The following PDE6C variants were observed in gnomAD, a reference collection of about 807,000 sequenced individuals.
PDE6C encodes cone cGMP-specific 3',5'-cyclic phosphodiesterase subunit alpha'.
Under a neutral mutation model 113.1 loss-of-function variants are expected in PDE6C, and 75 were observed. The observed-to-expected ratio is 0.66, with a 90% CI of 0.55 to 0.80. PDE6C has a LOEUF of 0.80. PDE6C is among the 30% of genes least tolerant of loss of function. PDE6C has a pLI of 0.00. For synonymous variants in PDE6C, 375 were observed against 363.7 expected, an observed-to-expected ratio of 1.03 and a Z score of -0.35; for missense variants, 912 against 1,038.6, an observed-to-expected ratio of 0.88 and a Z score of 1.67.
chr10:93,618,756 C>T (rs2058431700), intron 1 of PDE6C, among the ~76,000 whole-genome samples: 1 of 152,198 alleles, frequency 6.6e-6, no homozygotes, highest in South Asian at 2.1e-4. Flanking sequence ...GATTCTGAGG[C>T]ATATCTCAGG....
At chr10:93,658,838 T>C in intron 16 of PDE6C, 63 bp from the exon 17 acceptor site, 5 of 969,176 alleles carry the variant, frequency 5.2e-6, no homozygotes, top group Non-Finnish European at 8.3e-6. Context: ...AAGCATGTAT[T>C]TAAGATATTT....
chr10:93,629,874 T>C (rs1157825396), intron 8 of PDE6C, among the ~76,000 whole-genome samples: 1 of 152,164 alleles, frequency 6.6e-6, no homozygotes, highest in Non-Finnish European at 1.5e-5. Context: ...GCTCTCCTCC[T>C]GCTGTACAAC....
At chr10:93,642,027 A>G (rs2058562526) in intron 14 of PDE6C, among the ~76,000 whole-genome samples, 1 of 152,214 alleles carries the variant, frequency 6.6e-6, no homozygotes. Context: ...ATGATCATGC[A>G]TATAAAGCCC....
At chr10:93,640,689 A>G (rs1252799346) in intron 13 of PDE6C, 132 bp downstream of exon 13, 2 of 762,272 alleles carry the variant, frequency 2.6e-6, no homozygotes, top group Middle Eastern at 2.2e-4. Flanking sequence ...TCCGCTGCAG[A>G]TGAGTCCCAG....
intron 9 of PDE6C, among the ~76,000 whole-genome samples, 175 bp from the exon 10 acceptor site, chr10:93,635,322 A>G (rs1437777911): frequency 6.6e-6 from 1 of 152,104 alleles, no homozygotes; most frequent in African/African-American, 2.4e-5. Flanking sequence ...AAAAGCAATA[A>G]TTCAGCCAGT....
At chr10:93,614,563 T>C (rs2058411071) in intron 1 of PDE6C, among the ~76,000 whole-genome samples, 1 of 152,226 alleles carries the variant, frequency 6.6e-6, no homozygotes, top group Non-Finnish European at 1.5e-5. Flanking sequence ...CTCATGGGAA[T>C]ACGCTCCTTG....
At chr10:93,633,848 G>C (rs956327156) in intron 8 of PDE6C, among the ~76,000 whole-genome samples, 1 of 152,162 alleles carries the variant, frequency 6.6e-6, no homozygotes, top group Admixed American at 6.5e-5. Flanking sequence ...GTGGTAAGAA[G>C]CACTTCCCAT....
chr10:93,640,143 A>G lies in PDE6C; in HGVS notation c.1556A>G (p.His519Arg), dbSNP rs772927831. ...FRFSDFPLTE[H>R]GLIKCGIRLF... ...TTCAGTGACTTCCCCCTTACAGAGC[A>G]CGGATTGATTAAATGTGGAATACGA... Residue 519 changes from histidine (H) to arginine (R), a missense_variant, in exon 12 of 22, where the codon CAC becomes CGC. By Grantham distance (29) the His-to-Arg change is conservative. Transcript: ENST00000371447. 1 of 1,613,874 alleles carries G rather than the reference A, an allele frequency of 6.2e-7. No individual in the cohort carries two copies. The highest frequency in any genetic ancestry group is 2.2e-5 in the East Asian group (1 of 44,888).
intron 16 of PDE6C, 105 bp downstream of exon 16, chr10:93,655,965 T>G: frequency 2.6e-6 from 2 of 768,386 alleles, no homozygotes; most frequent in East Asian, 2.5e-5. Context: ...TTCACACACA[T>G]ACACACACAC....
At chr10:93,641,898 C>A (rs972678049) in intron 14 of PDE6C, among the ~76,000 whole-genome samples, 1 of 152,174 alleles carries the variant, frequency 6.6e-6, no homozygotes, top group Non-Finnish European at 1.5e-5. Flanking sequence ...TGGGCTCAGG[C>A]AGATTTGGAT....
In PDE6C at chr10:93,665,552, T is replaced by C. The variant is rs369644727; in HGVS notation, c.*134T>C. The C allele has an allele frequency of 2.6e-5, 18 of 687,316 alleles. No homozygotes were observed. The East Asian group carries it at 2.7e-4, about 10-fold the overall frequency. The allele number at this position is 687,316 out of a possible 1,614,324, so 42.6% of individuals were successfully genotyped here. A position where few individuals can be genotyped will look rare whatever the true frequency, so the allele number is the denominator to read the frequency against. On this transcript the variant is annotated 3_prime_UTR_variant, in exon 22 of 22. Coordinates refer to ENST00000371447, the MANE Select transcript of PDE6C (RefSeq NM_006204.4). ...CTACCCTGTGACTATGAAGAAAATATATATTGCTAGCCCAAAAATCCCAGG... is the reference window on the plus strand; with the variant it reads ...CTACCCTGTGACTATGAAGAAAATACATATTGCTAGCCCAAAAATCCCAGG...
intron 5 of PDE6C, among the ~76,000 whole-genome samples, chr10:93,625,905 G>A (rs2058471205): frequency 1.3e-5 from 2 of 152,160 alleles, no homozygotes; most frequent in Non-Finnish European, 2.9e-5. Context: ...TCAACTGGAA[G>A]GGATGCATCA....
intron 8 of PDE6C, among the ~76,000 whole-genome samples, chr10:93,631,940 G>A (rs756289225): frequency 6.6e-6 from 1 of 152,218 alleles, no homozygotes; most frequent in Non-Finnish European, 1.5e-5. Flanking sequence ...CACAGTTCTG[G>A]AGGTCAGAAT....
chr10:93,637,469 G>A (rs549611052), intron 11 of PDE6C, among the ~76,000 whole-genome samples: 3 of 152,054 alleles, frequency 2.0e-5, no homozygotes, highest in Admixed American at 6.6e-5. Flanking sequence ...CTTCTCTTCT[G>A]GAGTCTGAAG....
chr10:93,665,799 T>C lies in PDE6C; in HGVS notation c.*381T>C. ...TTCTCAAAGTCCTGGGGGCTGGAAG[T>C]TCAAGATCAAGGAGTTGGCAGGGTT... On this transcript the variant is annotated 3_prime_UTR_variant, in exon 22 of 22. Transcript: ENST00000371447. 1 of 265,792 alleles carries C rather than the reference T, an allele frequency of 3.8e-6. No individual in the cohort carries two copies. Among genetic ancestry groups the C allele is most frequent in the East Asian group, 1.1e-4 (1 of 9,000 alleles). 16.5% of individuals were successfully genotyped at this position (265,792 alleles called of 1,614,324 possible).
chr10:93,634,284 A>G (rs2058517255), intron 8 of PDE6C, among the ~76,000 whole-genome samples: 1 of 152,158 alleles, frequency 6.6e-6, no homozygotes, highest in Non-Finnish European at 1.5e-5. Context: ...AAGTGCTGGG[A>G]TTACAGGCTC....
intron 14 of PDE6C, among the ~76,000 whole-genome samples, chr10:93,644,140 G>A (rs1014855078): frequency 2.0e-5 from 3 of 152,094 alleles, no homozygotes; most frequent in African/African-American, 7.2e-5. Flanking sequence ...TTTTTGGCAG[G>A]AATACTACAT....
chr10:93,640,005 G>C (rs1322903861), intron 11 of PDE6C, 65 bp from the exon 12 acceptor site: 1 of 1,550,982 alleles, frequency 6.4e-7, no homozygotes, highest in Non-Finnish European at 8.9e-7. Flanking sequence ...CCCAATGTTG[G>C]CTATGGGAGT....
chr10:93,645,989 G>A lies in PDE6C; in HGVS notation c.1877G>A (p.Gly626Asp), dbSNP rs1299872494. 1 of 1,608,732 alleles carries A rather than the reference G, an allele frequency of 6.2e-7. No individual in the cohort carries two copies. Among genetic ancestry groups the A allele is most frequent in the Admixed American group, 1.7e-5 (1 of 59,972 alleles). ...ACGTCTCCATTAGCAAGACTTCATG[G>A]TTCTTCTATTTTGGAGAGGCACCAC... ...KSTSPLARLH[G>D]SSILERHHLE... is the part of the protein sequence containing the mutation. Residue 626 changes from glycine (G) to aspartate (D), a missense_variant, in exon 15 of 22, where the codon GGT becomes GAT. Gly to Asp is a moderately conservative substitution (Grantham distance 94, BLOSUM62 -1). Transcript: ENST00000371447.
Sources: gnomAD v4.1 joint callset for allele counts (sites outside exome capture counted in the v4.1 genomes callset) on GRCh38, gnomAD v4.1.1 for gene constraint, MANE v1.5 for transcripts, NCBI Gene and HGNC (gene_info 2026-07-23, HGNC 2026-07-21) for gene names.